The following UBE3A variants were observed in gnomAD, a reference collection of about 807,000 sequenced individuals.
The protein encoded by UBE3A is ubiquitin-protein ligase E3A.
UBE3A carries 6 observed loss-of-function variants against 83.4 expected under a neutral mutation model. The observed-to-expected ratio is 0.07, with a 90% CI of 0.04 to 0.14. UBE3A has a LOEUF of 0.14. Ranked by LOEUF, UBE3A falls within the 10% of genes least tolerant of loss-of-function variation. UBE3A has a pLI of 1.00. For missense variants in UBE3A, 456 were observed against 1,036.1 expected, an observed-to-expected ratio of 0.44 and a Z score of 7.69; for synonymous variants, 337 against 355.4, an observed-to-expected ratio of 0.95 and a Z score of 0.58.
intron 5 of UBE3A, among the ~76,000 whole-genome samples, chr15:25,373,056 C>G (rs998873475): frequency 2.6e-5 from 4 of 152,098 alleles, no homozygotes; most frequent in Non-Finnish European, 4.4e-5. Context: ...TTTTATGGGC[C>G]TTAACTCTTT....
intron 9 of UBE3A, among the ~76,000 whole-genome samples, 193 bp downstream of exon 9, chr15:25,355,699 T>C (rs751229810): frequency 3.3e-5 from 5 of 152,218 alleles, no homozygotes; most frequent in Non-Finnish European, 5.9e-5. Flanking sequence ...AAAGGGGCTT[T>C]AGTGCCCAAC....
At chr15:25,342,296 A>C (rs1198240479) in intron 11 of UBE3A, among the ~76,000 whole-genome samples, 1 of 152,080 alleles carries the variant, frequency 6.6e-6, no homozygotes. Flanking sequence ...AAGGAGGTAG[A>C]CCAAAGAGCA....
chr15:25,408,251 C>T (rs947963494), intron 3 of UBE3A: 2 of 293,444 alleles, frequency 6.8e-6, no homozygotes, highest in East Asian at 8.6e-5. Flanking sequence ...ATATATACCA[C>T]CTAGCAACAG....
intron 4 of UBE3A, among the ~76,000 whole-genome samples, chr15:25,395,292 A>G (rs1355628810): frequency 1.3e-5 from 2 of 152,302 alleles, no homozygotes; most frequent in South Asian, 4.1e-4. Context: ...TGCATAGTAA[A>G]TAACATGGTT....
intron 11 of UBE3A, among the ~76,000 whole-genome samples, chr15:25,343,280 CA>C (rs1311508122): frequency 1.3e-5 from 2 of 152,088 alleles, no homozygotes; most frequent in African/African-American, 4.8e-5. Context: ...TTCCGGTAGA[CA>C]AAAGTAGACC....
intron 1 of UBE3A, chr15:25,438,256 C>A (rs1895758090): frequency 6.6e-6 from 1 of 152,414 alleles, no homozygotes; most frequent in Admixed American, 6.5e-5. Flanking sequence ...CCTCGGGCGA[C>A]AAAACCCTCC....
intron 6 of UBE3A, 50 bp from the exon 7 acceptor site, chr15:25,360,577 G>A (rs2077902556): frequency 1.3e-6 from 2 of 1,591,072 alleles, no homozygotes; most frequent in East Asian, 2.2e-5. Flanking sequence ...CTAGTATCAG[G>A]AAAAAAACAA....
chr15:25,394,292 AAC>A (rs1261340659), intron 4 of UBE3A, among the ~76,000 whole-genome samples: 3 of 152,196 alleles, frequency 2.0e-5, no homozygotes, highest in East Asian at 1.9e-4. Context: ...CTGTCTCGAT[AAC>A]AGTGTCAATT....
chr15:25,410,498 G>A (rs376496656), intron 2 of UBE3A, among the ~76,000 whole-genome samples: 2 of 152,154 alleles, frequency 1.3e-5, no homozygotes, highest in East Asian at 3.8e-4. Context: ...GGAAAGATGA[G>A]GAAATTAGGA....
intron 9 of UBE3A, 29 bp from the exon 10 acceptor site, chr15:25,354,712 C>T (rs781176867): frequency 2.4e-5 from 39 of 1,596,716 alleles, no homozygotes; most frequent in Non-Finnish European, 3.3e-5. Flanking sequence ...ACAAGAACTT[C>T]TTATAATATG....
chr15:25,341,795 A>C (rs1212895988), intron 11 of UBE3A, among the ~76,000 whole-genome samples: 1 of 151,570 alleles, frequency 6.6e-6, no homozygotes, highest in Non-Finnish European at 1.5e-5. Context: ...AAAAAAAAAA[A>C]AAAAAAAATT....
rs779206432 is a variant in UBE3A, at chr15:25,405,494, T to A, written c.29A>T (p.Glu10Val). The A allele has an allele frequency of 2.5e-6, 4 of 1,613,894 alleles. No homozygotes were observed. Among genetic ancestry groups the A allele is most frequent in the Non-Finnish European group, 3.4e-6 (4 of 1,179,882 alleles). MATACKRSGEPQSDDIEASR... is the reference protein window; with the variant it reads MATACKRSGVPQSDDIEASR... Reference sequence around the variant, plus strand: ...AGCTTCAATGTCGTCAGACTGAGGTTCTCCTGATCTGTAAAATGCAATTGA... The same window carrying A: ...AGCTTCAATGTCGTCAGACTGAGGTACTCCTGATCTGTAAAATGCAATTGA... Residue 10 changes from glutamate to valine, a missense_variant, in exon 4 of 13, where the codon GAA becomes GTA. Transcript: ENST00000648336.
intron 1 of UBE3A, chr15:25,438,157 G>A (rs1035232827): frequency 4.6e-5 from 7 of 152,264 alleles, no homozygotes; most frequent in African/African-American, 1.7e-4. Flanking sequence ...CCTGTCTGGG[G>A]CCCCGGCTGG....
At chr15:25,351,823 C>A (rs1399667238) in intron 11 of UBE3A, among the ~76,000 whole-genome samples, 1 of 152,206 alleles carries the variant, frequency 6.6e-6, no homozygotes, top group African/African-American at 2.4e-5. Context: ...CCTTCCTTGT[C>A]ACTTTTTCAA....
At chr15:25,427,627 A>C (rs1311735776) in intron 1 of UBE3A, among the ~76,000 whole-genome samples, 2 of 147,082 alleles carry the variant, frequency 1.4e-5, no homozygotes, top group Non-Finnish European at 3.0e-5. Context: ...AAAAAAAAAA[A>C]AAAACCCACA....
In UBE3A at chr15:25,370,818, A is replaced by G. The variant is rs1336952749; in HGVS notation, c.1356T>C (p.Asn452=). 1 of 1,614,120 alleles carries G rather than the reference A, an allele frequency of 6.2e-7. No homozygotes were observed. Among genetic ancestry groups the G allele is most frequent in the South Asian group, 1.1e-5 (1 of 91,072 alleles). The stretch of plus-strand genomic sequence containing the variant: ...AATCTTTATCCATTTCTAGAACCTC[A>G]TTCAGTGGTTCATTAATAAACTCTT... ...PFEEFINEPL[N]EVLEMDKDYT... is the part of the protein sequence containing the mutation. Residue 452 remains asparagine, a synonymous_variant, in exon 6 of 13, where the codon AAT becomes AAC. Transcript: ENST00000648336. This position sits in a 1 kb window ranked among gnomAD's most constrained non-coding sequence, Gnocchi z 4.2.
At chr15:25,404,595 TCTCA>T (rs1403628252) in intron 4 of UBE3A, among the ~76,000 whole-genome samples, 7 of 152,260 alleles carry the variant, frequency 4.6e-5, no homozygotes, top group African/African-American at 1.4e-4. Context: ...TTGTCAAGGC[TCTCA>T]CTGACTGAAC....
chr15:25,408,841 T>C, intron 3 of UBE3A: 1 of 798,340 alleles, frequency 1.3e-6, no homozygotes, highest in Non-Finnish European at 1.9e-6. Context: ...TTTAAAACCT[T>C]GAAGTTTTTT....
chr15:25,427,978 C>G (rs780271979), intron 1 of UBE3A, among the ~76,000 whole-genome samples: 2 of 151,864 alleles, frequency 1.3e-5, no homozygotes, highest in African/African-American at 2.4e-5. Flanking sequence ...GTGAAATAAG[C>G]CAAACACAGA....
Sources: gnomAD v4.1 joint callset for allele counts (sites outside exome capture counted in the v4.1 genomes callset) on GRCh38, gnomAD v4.1.1 for gene constraint, Gnocchi (gnomAD v3.1) non-coding constraint, MANE v1.5 for transcripts, NCBI Gene and HGNC (gene_info 2026-07-23, HGNC 2026-07-21) for gene names.